UBE2K: variants seen among roughly 807,000 people sequenced by gnomAD.
UBE2K encodes the protein ubiquitin conjugating enzyme E2 K, also known as ubiquitin-conjugating enzyme E2 K.
UBE2K carries 6 observed loss-of-function variants against 30.0 expected under a neutral mutation model. The observed-to-expected ratio is 0.20, with a 90% CI of 0.11 to 0.39. The LOEUF is 0.39. Ranked by LOEUF, UBE2K falls within the 10% of genes least tolerant of loss-of-function variation. The pLI, the probability that UBE2K is intolerant of heterozygous loss-of-function variation, is 1.00. For synonymous variants in UBE2K, 86 were observed against 83.7 expected (o/e 1.03, Z -0.15); for missense variants, 61 against 241.6 (o/e 0.25, Z 4.96).
At chr4:39,707,168 C>A (rs1278141799) in intron 1 of UBE2K, among the ~76,000 whole-genome samples, 1 of 151,504 alleles carries the variant, frequency 6.6e-6, no homozygotes, top group Non-Finnish European at 1.5e-5. Flanking sequence ...TCTTGGCCTC[C>A]CAAAGTGCTG....
chr4:39,764,056 CAATT>C (rs1245381656), intron 4 of UBE2K, among the ~76,000 whole-genome samples: 2 of 152,156 alleles, frequency 1.3e-5, no homozygotes, highest in African/African-American at 2.4e-5. Flanking sequence ...AATTTTCTTA[CAATT>C]AATTATTAAA....
At chr4:39,744,140 G>A (rs1720858865) in intron 2 of UBE2K, among the ~76,000 whole-genome samples, 1 of 152,168 alleles carries the variant, frequency 6.6e-6, no homozygotes, top group African/African-American at 2.4e-5. Context: ...TGGGATTACA[G>A]GCATGAGCCA....
intron 6 of UBE2K, among the ~76,000 whole-genome samples, chr4:39,778,052 C>T (rs993549487): frequency 2.4e-5 from 3 of 122,966 alleles, no homozygotes; most frequent in African/African-American, 9.5e-5. Flanking sequence ...GAGCGATAGT[C>T]ATGCCACTGC....
intron 4 of UBE2K, among the ~76,000 whole-genome samples, chr4:39,760,176 CAAA>C (rs71194913): frequency 2.6e-5 from 2 of 77,182 alleles, no homozygotes; most frequent in Non-Finnish European, 2.2e-5. Context: ...GACTCTGTCA[CAAA>C]AAAAAAAAAA....
At chr4:39,760,860 G>A (rs1711893751) in intron 4 of UBE2K, 1 of 152,244 alleles carries the variant, frequency 6.6e-6, no homozygotes, top group Non-Finnish European at 1.5e-5. Context: ...AGTAGGAGGA[G>A]CAGAAGTGAG....
At chr4:39,716,058 C>T (rs957301034) in intron 1 of UBE2K, among the ~76,000 whole-genome samples, 5 of 152,156 alleles carry the variant, frequency 3.3e-5, no homozygotes, top group African/African-American at 1.2e-4. Context: ...CATCTTAGAA[C>T]TCTCCTCCTT....
At chr4:39,769,007 G>T (rs1156969937) in intron 4 of UBE2K, among the ~76,000 whole-genome samples, 1 of 152,006 alleles carries the variant, frequency 6.6e-6, no homozygotes, top group Non-Finnish European at 1.5e-5. Flanking sequence ...TGTGTATTTA[G>T]TAGAGATGGG....
intron 1 of UBE2K, among the ~76,000 whole-genome samples, chr4:39,736,941 T>G (rs1344197749): frequency 6.6e-6 from 1 of 152,180 alleles, no homozygotes; most frequent in Admixed American, 6.5e-5. Context: ...AAACTAAACA[T>G]TTAAAGTTGT....
intron 1 of UBE2K, among the ~76,000 whole-genome samples, chr4:39,717,520 C>A (rs570316781): frequency 4.5e-4 from 68 of 152,342 alleles, no homozygotes; most frequent in African/African-American, 1.6e-3. Flanking sequence ...TGAGCCACCA[C>A]GCCCAGCCTC....
intron 3 of UBE2K, among the ~76,000 whole-genome samples, chr4:39,752,325 C>CT (rs1401945401): frequency 9.5e-5 from 6 of 63,300 alleles, no homozygotes; most frequent in African/African-American, 1.2e-4. Context: ...TTTTTTTTTT[C>CT]TTTTTTTTTC....
At chr4:39,730,636 TG>T (rs1338560750) in intron 1 of UBE2K, among the ~76,000 whole-genome samples, 8 of 151,792 alleles carry the variant, frequency 5.3e-5, no homozygotes, top group African/African-American at 1.9e-4. Context: ...GGCATGGTGG[TG>T]GGCGCCTATA....
At chr4:39,702,405 C>T (rs559617926) in intron 1 of UBE2K, among the ~76,000 whole-genome samples, 3 of 151,892 alleles carry the variant, frequency 2.0e-5, no homozygotes, top group African/African-American at 4.8e-5. Flanking sequence ...TAGGCATGCA[C>T]CACCATGGCT....
chr4:39,706,958 G>A (rs1366623549), intron 1 of UBE2K, among the ~76,000 whole-genome samples: 4 of 152,046 alleles, frequency 2.6e-5, no homozygotes, highest in African/African-American at 9.7e-5. Flanking sequence ...CCAGCCTGGA[G>A]TGCAGTGGCT....
intron 4 of UBE2K, among the ~76,000 whole-genome samples, chr4:39,771,849 G>A (rs1174339371): frequency 1.3e-5 from 2 of 152,108 alleles, no homozygotes; most frequent in Admixed American, 6.5e-5. Context: ...TTGGCTAGGG[G>A]TGGAGGTGTA....
chr4:39,708,166 C>G lies in UBE2K; in HGVS notation c.63+9776C>G, dbSNP rs559553909. Among the ~76,000 whole-genome samples, 3 of 152,142 alleles carry G rather than the reference C, an allele frequency of 2.0e-5. No individual in the cohort carries two copies. The South Asian group carries it at 6.2e-4, about 32-fold the overall frequency. On this transcript the variant is annotated intron_variant, in intron 1 of 6. Coordinates refer to ENST00000261427, the MANE Select transcript of UBE2K (RefSeq NM_005339.5). ...CTGCCAGCCTTGGCCTCCCGAAGTG[C>G]TGGGATTGCAGGCGTGAGCCACCGC...
chr4:39,749,150 G>T (rs974942121), intron 3 of UBE2K, among the ~76,000 whole-genome samples: 1 of 152,156 alleles, frequency 6.6e-6, no homozygotes, highest in African/African-American at 2.4e-5. Context: ...CATGGTCACA[G>T]AATGTTTTGT....
intron 1 of UBE2K, among the ~76,000 whole-genome samples, chr4:39,735,207 T>TTTTA (rs1006677907): frequency 2.0e-5 from 3 of 152,162 alleles, no homozygotes; most frequent in Non-Finnish European, 2.9e-5. Context: ...AATTTTTTAT[T>TTTTA]TTTATTTATT....
chr4:39,704,173 T>C (rs1249594285), intron 1 of UBE2K, among the ~76,000 whole-genome samples: 2 of 151,886 alleles, frequency 1.3e-5, no homozygotes, highest in East Asian at 3.9e-4. Flanking sequence ...GGAGAATCGT[T>C]TGAGTCTGGG....
At chr4:39,724,426 C>T (rs963328982) in intron 1 of UBE2K, among the ~76,000 whole-genome samples, 1 of 151,592 alleles carries the variant, frequency 6.6e-6, no homozygotes, top group Non-Finnish European at 1.5e-5. Context: ...TTTTTGTCTT[C>T]TAGTACACCT....
Sources: gnomAD v4.1 joint callset for allele counts (sites outside exome capture counted in the v4.1 genomes callset) on GRCh38, gnomAD v4.1.1 for gene constraint, MANE v1.5 for transcripts, NCBI Gene and HGNC (gene_info 2026-07-23, HGNC 2026-07-21) for gene names.